Variants in SFXN1 observed in about 807,000 individuals in gnomAD.
The protein encoded by SFXN1 is sideroflexin 1, also known as sideroflexin-1.
A neutral mutation model predicts 39.5 loss-of-function variants in SFXN1; 32 were observed. The observed-to-expected ratio is 0.81, with a 90% CI of 0.61 to 1.09. The LOEUF is 1.09. Among genes scored for constraint, SFXN1 ranks in the 50% least tolerant of loss-of-function variants. The pLI is 0.00. For synonymous variants in SFXN1, 136 were observed against 146.5 expected (o/e 0.93, Z 0.52); for missense variants, 402 against 407.1 (o/e 0.99, Z 0.11).
intron 1 of SFXN1, among the ~76,000 whole-genome samples, chr5:175,488,599 G>A (rs577624547): frequency 4.3e-4 from 65 of 152,234 alleles, no homozygotes; most frequent in African/African-American, 1.5e-3. Context: ...ACGCCCGGCC[G>A]ACACCAGATG....
intron 1 of SFXN1, among the ~76,000 whole-genome samples, chr5:175,486,471 C>T (rs1483945056): frequency 6.6e-6 from 1 of 152,142 alleles, no homozygotes; most frequent in Non-Finnish European, 1.5e-5. Flanking sequence ...TATAGAGTAA[C>T]CATATTTTTG....
chr5:175,480,228 C>T (rs991628854), intron 1 of SFXN1, among the ~76,000 whole-genome samples: 13 of 152,204 alleles, frequency 8.5e-5, no homozygotes, highest in Admixed American at 6.5e-4. Context: ...GGTGAAACCC[C>T]GTCTCTACTA....
intron 1 of SFXN1, among the ~76,000 whole-genome samples, chr5:175,490,082 A>G (rs530087408): frequency 6.6e-6 from 1 of 152,332 alleles, no homozygotes; most frequent in African/African-American, 2.4e-5. Context: ...TGTGTCCAAA[A>G]GTTTCCTAAT....
At chr5:175,510,919 T>C (rs561563638) in intron 4 of SFXN1, among the ~76,000 whole-genome samples, 3 of 152,322 alleles carry the variant, frequency 2.0e-5, no homozygotes, top group Non-Finnish European at 4.4e-5. Flanking sequence ...TTTATTGCAA[T>C]TAAAATTTCT....
chr5:175,485,251 A>G (rs1479279591), intron 1 of SFXN1, among the ~76,000 whole-genome samples: 1 of 152,214 alleles, frequency 6.6e-6, no homozygotes, highest in African/African-American at 2.4e-5. Context: ...TTCATTTCCT[A>G]TTGCTGTTAT....
intron 2 of SFXN1, among the ~76,000 whole-genome samples, chr5:175,507,973 T>TAAAAAAAAAA (rs74722265): frequency 7.2e-5 from 9 of 124,336 alleles, no homozygotes; most frequent in African/African-American, 2.2e-4. Flanking sequence ...ACCCTGTCTT[T>TAAAAAAAAAA]AAAAAAAAAA....
chr5:175,492,489 A>T, intron 2 of SFXN1: 1 of 403,558 alleles, frequency 2.5e-6, no homozygotes, highest in South Asian at 4.4e-5. Flanking sequence ...TGACAATGGG[A>T]GTCATCCCTC....
intron 2 of SFXN1, among the ~76,000 whole-genome samples, chr5:175,500,842 A>G (rs1760049329): frequency 6.6e-6 from 1 of 152,176 alleles, no homozygotes. Flanking sequence ...AACTGATTTT[A>G]TGTAAAGGAG....
chr5:175,502,301 T>C (rs1760113503), intron 2 of SFXN1, among the ~76,000 whole-genome samples: 1 of 152,160 alleles, frequency 6.6e-6, no homozygotes, highest in South Asian at 2.1e-4. Flanking sequence ...GGTAGTCCTG[T>C]AAAGACAGAC....
chr5:175,529,436 AT>A lies in SFXN1; in HGVS notation c.*2703del, dbSNP rs1349849491. ...TGCTTCAGACTCTTAATGCTTTTAT[AT>A]AAAGCTATCAACTGTATGTTGATCA... On this transcript the variant is annotated 3_prime_UTR_variant, in exon 11 of 11. Coordinates refer to ENST00000321442, the MANE Select transcript of SFXN1 (RefSeq NM_022754.7). The A allele has an allele frequency of 6.6e-6, 1 of 151,996 alleles. No individual in the cohort carries two copies. Among genetic ancestry groups the A allele is most frequent in the African/African-American group, 2.4e-5 (1 of 41,304 alleles). The allele number at this position is 151,996 out of a possible 1,614,324, so 9.4% of individuals were successfully genotyped here.
Position 175,522,102 on chromosome 5 carries a change from C to T in SFXN1, c.824+134C>T, listed in dbSNP as rs1032764032. On this transcript the variant is annotated intron_variant, in intron 9 of 10. Transcript: ENST00000321442. ...TCAGAACATCTGGAATGCATGGCCCCAAATAATTAAATAGAAGTAAACTGT... is the reference window on the plus strand; with the variant it reads ...TCAGAACATCTGGAATGCATGGCCCTAAATAATTAAATAGAAGTAAACTGT... 13 of 705,968 alleles carry T rather than the reference C, an allele frequency of 1.8e-5. No homozygotes were observed. In the South Asian group the frequency reaches 1.9e-4, roughly 10 times the overall value. The allele number at this position is 705,968 out of a possible 1,614,324, so 43.7% of individuals were successfully genotyped here.
rs1283893651 is a variant in SFXN1 at position 175,527,577 on chromosome 5, T to G, written c.*843T>G. 6.7e-6 allele frequency: 1 copy of G among 148,776 alleles called. No homozygotes were observed. The highest frequency in any genetic ancestry group is 2.5e-5 in the African/African-American group (1 of 40,584). 9.2% of individuals were successfully genotyped at this position (148,776 alleles called of 1,614,324 possible). ...TGAGTGGGCTGAATCCAGTTCATTG[T>G]TTTTTTTTTGGTAAGAAGTGAGACT... On this transcript the variant is annotated 3_prime_UTR_variant, in exon 11 of 11. Coordinates refer to ENST00000321442, the MANE Select transcript of SFXN1 (RefSeq NM_022754.7).
At chr5:175,519,867 T>TC in intron 8 of SFXN1, among the ~76,000 whole-genome samples, 1 of 140,500 alleles carries the variant, frequency 7.1e-6, no homozygotes, top group East Asian at 2.0e-4. Flanking sequence ...TTTTTTGCTT[T>TC]TTTTTTTTTT....
chr5:175,516,695 C>T, intron 8 of SFXN1, 32 bp downstream of exon 8: 1 of 1,603,060 alleles, frequency 6.2e-7, no homozygotes, highest in African/African-American at 1.3e-5. Context: ...ATTTTCTCAA[C>T]CCTTTTTATT....
chr5:175,508,909 A>T, intron 2 of SFXN1, 123 bp from the exon 3 acceptor site: 1 of 834,822 alleles, frequency 1.2e-6, no homozygotes, highest in Non-Finnish European at 1.8e-6. Flanking sequence ...TGCTGGGATT[A>T]CAGACGTAAG....
At chr5:175,480,281 G>C (rs1282740985) in intron 1 of SFXN1, among the ~76,000 whole-genome samples, 1 of 152,108 alleles carries the variant, frequency 6.6e-6, no homozygotes, top group African/African-American at 2.4e-5. Flanking sequence ...GGCGCCTGTA[G>C]TCCCAGCTAC....
chr5:175,517,653 A>G (rs770048917), intron 8 of SFXN1, among the ~76,000 whole-genome samples: 7 of 152,204 alleles, frequency 4.6e-5, no homozygotes, highest in Non-Finnish European at 1.0e-4. Flanking sequence ...CCATGTAGAG[A>G]GGACCATAGG....
At chr5:175,499,750 C>T (rs986672451) in intron 2 of SFXN1, among the ~76,000 whole-genome samples, 8 of 152,144 alleles carry the variant, frequency 5.3e-5, no homozygotes, top group African/African-American at 9.7e-5. Context: ...TTTCTGCTCT[C>T]GTTAACTTTT....
chr5:175,497,669 C>G (rs1759905294), intron 2 of SFXN1, among the ~76,000 whole-genome samples: 1 of 152,088 alleles, frequency 6.6e-6, no homozygotes, highest in African/African-American at 2.4e-5. Flanking sequence ...TGACTCACAC[C>G]TGTAATCCCA....
Sources: gnomAD v4.1 joint callset for allele counts (sites outside exome capture counted in the v4.1 genomes callset) on GRCh38, gnomAD v4.1.1 for gene constraint, MANE v1.5 for transcripts, NCBI Gene and HGNC (gene_info 2026-07-23, HGNC 2026-07-21) for gene names.